Variants in NUP153 observed in about 807,000 individuals in gnomAD.
NUP153 encodes the protein nucleoporin 153, also known as nuclear pore complex protein Nup153.
A neutral mutation model predicts 134.6 loss-of-function variants in NUP153; 27 were observed. The ratio of observed to expected loss-of-function variants is 0.20; its 90% CI spans 0.15 to 0.28. NUP153 has a LOEUF of 0.28. Ranked by LOEUF, NUP153 falls within the 10% of genes least tolerant of loss-of-function variation. The probability of loss-of-function intolerance (pLI) is 1.00; values close to 1 mark genes in which losing one functional copy is unlikely to be tolerated. For missense variants in NUP153, 1,821 were observed against 1,731.3 expected (o/e 1.05, Z -0.92); for synonymous variants, 640 against 623.5 (o/e 1.03, Z -0.40).
At chr6:17,705,897 T>TCAAC (rs763364231) in intron 1 of NUP153, among the ~76,000 whole-genome samples, 2 of 151,782 alleles carry the variant, frequency 1.3e-5, no homozygotes, top group East Asian at 3.9e-4. Context: ...ATAAGGGCCA[T>TCAAC]CAACCACATC....
intron 20 of NUP153, among the ~76,000 whole-genome samples, chr6:17,622,356 T>G (rs966247091): frequency 1.6e-4 from 24 of 152,152 alleles, no homozygotes; most frequent in African/African-American, 5.1e-4. Flanking sequence ...TCCCAGTTTC[T>G]TGGCAGGCTC....
intron 11 of NUP153, among the ~76,000 whole-genome samples, chr6:17,659,760 C>T (rs966307551): frequency 2.0e-5 from 3 of 152,150 alleles, no homozygotes; most frequent in Non-Finnish European, 4.4e-5. Flanking sequence ...CATGAGCCAC[C>T]GTGCCCAGCC....
At chr6:17,648,075 T>C (rs199633776) in intron 12 of NUP153, among the ~76,000 whole-genome samples, 170 bp from the exon 13 acceptor site, 2 of 152,210 alleles carry the variant, frequency 1.3e-5, no homozygotes, top group African/African-American at 4.8e-5. Context: ...TGTTATAAAA[T>C]GTGGCTTCCT....
intron 14 of NUP153, among the ~76,000 whole-genome samples, chr6:17,644,882 G>A (rs188518723): frequency 4.6e-5 from 7 of 152,178 alleles, no homozygotes; most frequent in African/African-American, 1.2e-4. Flanking sequence ...TTAGGAGATC[G>A]AGACCATCCG....
At chr6:17,658,897 A>G (rs1766999463) in intron 11 of NUP153, among the ~76,000 whole-genome samples, 1 of 152,092 alleles carries the variant, frequency 6.6e-6, no homozygotes, top group South Asian at 2.1e-4. Context: ...GGCCATGGTC[A>G]CTGTCTGGTG....
chr6:17,669,261 T>C (rs1581734284), intron 7 of NUP153, 32 bp downstream of exon 7: 2 of 1,582,098 alleles, frequency 1.3e-6, no homozygotes, highest in Non-Finnish European at 1.7e-6. Flanking sequence ...GTATGAACAA[T>C]ATTTTGTAAA....
chr6:17,676,504 A>T (rs1156705953), intron 2 of NUP153, among the ~76,000 whole-genome samples: 1 of 152,182 alleles, frequency 6.6e-6, no homozygotes, highest in Non-Finnish European at 1.5e-5. Context: ...TTATTAAAAT[A>T]AATCATTTTT....
chr6:17,706,169 T>G lies in NUP153; in HGVS notation c.111+108A>C. 1 of 896,396 alleles carries G rather than the reference T, an allele frequency of 1.1e-6. No homozygotes were observed. Among genetic ancestry groups the G allele is most frequent in the Non-Finnish European group, 1.8e-6 (1 of 563,426 alleles). 55.5% of individuals were successfully genotyped at this position (896,396 alleles called of 1,614,324 possible). ...CCCGGAGCCTCACTCGGGCCTTTCC[T>G]CAGGCCCTCCTGTCTGCTCCACGTG... is the stretch of plus-strand genomic sequence containing the variant. On this transcript the variant is annotated intron_variant, in intron 1 of 21. Coordinates refer to ENST00000262077, the MANE Select transcript of NUP153 (RefSeq NM_005124.4). This position sits in a 1 kb window ranked among gnomAD's most constrained non-coding sequence, Gnocchi z 5.9.
At position 17,625,433 on chromosome 6, in the gene NUP153, G is replaced by A. The variant is rs1764879691; in HGVS notation, c.3901+375C>T. Among the ~76,000 whole-genome samples the A allele has an allele frequency of 6.6e-6, 1 of 152,164 alleles. No individual in the cohort carries two copies. The highest frequency in any genetic ancestry group is 2.4e-5 in the African/African-American group (1 of 41,414). On this transcript the variant is annotated intron_variant, in intron 19 of 21. Coordinates refer to ENST00000262077, the MANE Select transcript of NUP153 (RefSeq NM_005124.4). The surrounding 1 kb of genome is among the most constrained non-coding windows in gnomAD (Gnocchi z 4.7). ...TAATCCCAGCTACTCAGGAGGCTGA[G>A]GCAGGAGAATTGCTTGAACTCGGGA...
intron 5 of NUP153, among the ~76,000 whole-genome samples, chr6:17,672,502 G>A (rs1403300253): frequency 6.6e-6 from 1 of 152,152 alleles, no homozygotes; most frequent in Non-Finnish European, 1.5e-5. Context: ...CTTGAGCCCA[G>A]GAGGTTCTGG....
intron 1 of NUP153, among the ~76,000 whole-genome samples, chr6:17,695,825 C>T (rs1482160596): frequency 6.6e-6 from 1 of 151,964 alleles, no homozygotes; most frequent in African/African-American, 2.4e-5. Context: ...CTGGCTAACA[C>T]GGTGAAACCC....
intron 20 of NUP153, 32 bp downstream of exon 20, chr6:17,624,529 T>C (rs1764818641): frequency 6.2e-7 from 1 of 1,605,358 alleles, no homozygotes; most frequent in Non-Finnish European, 8.5e-7. Context: ...ACAAAACCCA[T>C]ACAGATACTA....
intron 15 of NUP153, among the ~76,000 whole-genome samples, chr6:17,639,137 G>T (rs1307671492): frequency 6.6e-6 from 1 of 151,532 alleles, no homozygotes; most frequent in Non-Finnish European, 1.5e-5. Context: ...GAGTGCAGTG[G>T]TTCGATCTCG....
chr6:17,683,142 C>G (rs1336136480), intron 2 of NUP153, among the ~76,000 whole-genome samples: 1 of 152,082 alleles, frequency 6.6e-6, no homozygotes, highest in Non-Finnish European at 1.5e-5. Flanking sequence ...TCAACTTTCT[C>G]TAAACTCCTA....
rs1439819556 is a variant in NUP153 at position 17,637,757 on chromosome 6, C to T, written c.1860G>A (p.Pro620=). The T allele has an allele frequency of 3.8e-6, 6 of 1,598,448 alleles. No homozygotes were observed. Among genetic ancestry groups the T allele is most frequent in the South Asian group, 2.2e-5 (2 of 90,890 alleles). ...DILKSPGFAS[P]KIDSVAAQPT... ...GCTGAGCAGCAACAGAATCTATCTT[C>T]GGCGATGCGAAACCTACAATGAACG... is the stretch of plus-strand genomic sequence containing the variant. Residue 620 remains proline, a synonymous_variant, in exon 16 of 22, where the codon CCG becomes CCA. Transcript: ENST00000262077.
At chr6:17,670,256 A>G (rs1767819860) in intron 5 of NUP153, among the ~76,000 whole-genome samples, 1 of 152,146 alleles carries the variant, frequency 6.6e-6, no homozygotes, top group Non-Finnish European at 1.5e-5. Context: ...TTAATTATAT[A>G]TGGGAGAATA....
At chr6:17,692,002 T>C (rs958082729) in intron 1 of NUP153, among the ~76,000 whole-genome samples, 1 of 152,162 alleles carries the variant, frequency 6.6e-6, no homozygotes, top group Admixed American at 6.6e-5. Flanking sequence ...TAAAAATTTT[T>C]TGGGGGACTT....
intron 1 of NUP153, among the ~76,000 whole-genome samples, chr6:17,699,824 G>C (rs1448227532): frequency 6.6e-6 from 1 of 152,106 alleles, no homozygotes; most frequent in African/African-American, 2.4e-5. Flanking sequence ...GACAGAGCTA[G>C]ATTCTGTCTC....
chr6:17,683,805 C>T (rs997985762), intron 2 of NUP153, among the ~76,000 whole-genome samples: 6 of 152,154 alleles, frequency 3.9e-5, no homozygotes, highest in Non-Finnish European at 7.4e-5. Context: ...GTATCTTCTT[C>T]CAACGGCGGG....
Sources: gnomAD v4.1 joint callset for allele counts (sites outside exome capture counted in the v4.1 genomes callset) on GRCh38, gnomAD v4.1.1 for gene constraint, Gnocchi (gnomAD v3.1) non-coding constraint, MANE v1.5 for transcripts, NCBI Gene and HGNC (gene_info 2026-07-23, HGNC 2026-07-21) for gene names.